MAP6: variants seen among roughly 807,000 people sequenced by gnomAD.
MAP6 encodes microtubule associated protein 6, also known as microtubule-associated protein 6.
In MAP6, 26 loss-of-function variants were observed where a neutral mutation model predicts 42.4. The ratio of observed to expected loss-of-function variants is 0.61; its 90% CI spans 0.45 to 0.85. The LOEUF (loss-of-function observed/expected upper bound fraction) is 0.85. Among genes scored for constraint, MAP6 ranks in the 40% least tolerant of loss-of-function variants. MAP6 has a pLI of 0.00. For synonymous variants in MAP6, 418 were observed against 443.8 expected (o/e 0.94, Z 0.73); for missense variants, 966 against 1,099.0 (o/e 0.88, Z 1.71).
At chr11:75,614,545 C>T (rs554930100) in intron 1 of MAP6, among the ~76,000 whole-genome samples, 1 of 152,288 alleles carries the variant, frequency 6.6e-6, no homozygotes, top group East Asian at 1.9e-4. Context: ...TCAAGTAGCC[C>T]TTGTGGAGAG....
At chr11:75,597,492 C>T (rs934278536) in intron 3 of MAP6, among the ~76,000 whole-genome samples, 3 of 152,216 alleles carry the variant, frequency 2.0e-5, no homozygotes, top group African/African-American at 7.2e-5. Context: ...GTCAAAGGCA[C>T]AGCAGATTGT....
chr11:75,633,010 CT>C (rs57493803), intron 1 of MAP6, among the ~76,000 whole-genome samples: 11,397 of 137,640 alleles, frequency 0.083, 592 homozygotes, highest in African/African-American at 0.16. Context: ...TTTCTTTTTT[CT>C]TTTTTTTTTT....
At chr11:75,652,553 C>G (rs1023697208) in intron 1 of MAP6, among the ~76,000 whole-genome samples, 2 of 152,142 alleles carry the variant, frequency 1.3e-5, no homozygotes, top group Non-Finnish European at 2.9e-5. Context: ...CATGTGACAT[C>G]TGGGCCATGC....
chr11:75,650,187 C>A (rs1409988323), intron 1 of MAP6, among the ~76,000 whole-genome samples: 2 of 152,172 alleles, frequency 1.3e-5, no homozygotes, highest in Non-Finnish European at 2.9e-5. Context: ...CTGGGAAGGA[C>A]TCCCCAAAAA....
At chr11:75,655,001 T>G (rs1943718867) in intron 1 of MAP6, among the ~76,000 whole-genome samples, 1 of 152,082 alleles carries the variant, frequency 6.6e-6, no homozygotes, top group Non-Finnish European at 1.5e-5. Context: ...GAACTCTGGC[T>G]CCCAATTTTT....
chr11:75,634,750 C>G (rs61895131), intron 1 of MAP6, among the ~76,000 whole-genome samples: 7,706 of 152,168 alleles, frequency 0.051, 248 homozygotes, highest in East Asian at 0.14. Flanking sequence ...AAACCATGCA[C>G]GGGTTAAGAG....
rs776091607 is a variant in MAP6 at position 75,587,167 on chromosome 11, A to G, written c.2334T>C (p.Pro778=). ...AKDQGPAVPE[P]LKTQGPRDPQ... is the part of the protein sequence containing the mutation. ...GGTCCCTGGGACCTTGAGTCTTCAG[A>G]GGTTCAGGGACTGCAGGACCTTGGT... The change falls in exon 4 of 4, where the codon CCT becomes CCC. Residue 778 remains proline, a synonymous_variant. Coordinates refer to ENST00000304771, the MANE Select transcript of MAP6 (RefSeq NM_033063.2). 6.2e-7 allele frequency: 1 copy of G among 1,614,018 alleles called. No individual in the cohort carries two copies. Among genetic ancestry groups the G allele is most frequent in the Non-Finnish European group, 8.5e-7 (1 of 1,179,992 alleles).
intron 1 of MAP6, among the ~76,000 whole-genome samples, chr11:75,653,345 T>C (rs1590806053): frequency 6.6e-6 from 1 of 152,152 alleles, no homozygotes; most frequent in Admixed American, 6.5e-5. Flanking sequence ...TTGGGGCCCC[T>C]GGGCTTTTTG....
rs566127517 is a variant in MAP6, at chr11:75,668,597, C to A, written c.-228G>T. On this transcript the variant is annotated 5_prime_UTR_variant, in exon 1 of 4. Transcript: ENST00000304771. The stretch of plus-strand genomic sequence containing the variant: ...TACCGGTCGCAAACGCCTTTGGGAG[C>A]GCAGTCTGCTGCGAGCGCCGAAGGG... 1.9e-4 allele frequency: 80 copies of A among 427,848 alleles called. No homozygotes were observed. Among genetic ancestry groups the A allele is most frequent in the African/African-American group, 1.6e-3 (79 of 48,688 alleles). 26.5% of individuals were successfully genotyped at this position (427,848 alleles called of 1,614,324 possible).
chr11:75,668,554 TCTG>T lies in MAP6; in HGVS notation c.-188_-186del, dbSNP rs1415949314. The T allele has an allele frequency of 1.4e-6, 1 of 730,080 alleles. No homozygotes were observed. Among genetic ancestry groups the T allele is most frequent in the Non-Finnish European group, 1.9e-6 (1 of 530,262 alleles). The allele number at this position is 730,080 out of a possible 1,614,324, so 45.2% of individuals were successfully genotyped here. A position where few individuals can be genotyped will look rare whatever the true frequency, so the allele number is the denominator to read the frequency against. Reference sequence around the variant, plus strand: ...CCCGGGGAGAGCTGTCCTAGGAGAGTCTGTAGAGTCCCTCGATTACCGGTCGCA... The same window carrying T: ...CCCGGGGAGAGCTGTCCTAGGAGAGTTAGAGTCCCTCGATTACCGGTCGCA... On this transcript the variant is annotated 5_prime_UTR_variant, in exon 1 of 4. Coordinates refer to ENST00000304771, the MANE Select transcript of MAP6 (RefSeq NM_033063.2).
At chr11:75,601,372 A>G (rs1466230503) in intron 3 of MAP6, among the ~76,000 whole-genome samples, 1 of 152,066 alleles carries the variant, frequency 6.6e-6, no homozygotes, top group African/African-American at 2.4e-5. Flanking sequence ...GCTTAATAAT[A>G]TGCTTTTATG....
At chr11:75,627,207 G>A (rs981012462) in intron 1 of MAP6, among the ~76,000 whole-genome samples, 3 of 152,250 alleles carry the variant, frequency 2.0e-5, no homozygotes, top group Non-Finnish European at 4.4e-5. Context: ...TCCCAACAAT[G>A]GGATTAGCCC....
chr11:75,647,612 G>A (rs145998247), intron 1 of MAP6, among the ~76,000 whole-genome samples: 15 of 152,062 alleles, frequency 9.9e-5, no homozygotes, highest in Middle Eastern at 3.4e-3. Context: ...TCTAGAAAAC[G>A]TATAGGAAAA....
At chr11:75,622,275 C>G (rs563816584) in intron 1 of MAP6, among the ~76,000 whole-genome samples, 1 of 152,080 alleles carries the variant, frequency 6.6e-6, no homozygotes, top group Non-Finnish European at 1.5e-5. Flanking sequence ...GACAAGGTCT[C>G]ACTCTGTCAG....
intron 3 of MAP6, chr11:75,605,426 A>G: frequency 9.9e-7 from 1 of 1,005,120 alleles, no homozygotes; most frequent in Non-Finnish European, 1.2e-6. Context: ...AAAATCGACC[A>G]GTGACACAGA....
chr11:75,609,052 C>T (rs1942836699), intron 1 of MAP6, among the ~76,000 whole-genome samples: 1 of 152,156 alleles, frequency 6.6e-6, no homozygotes, highest in South Asian at 2.1e-4. Flanking sequence ...GTGTAAATGG[C>T]TATTGGTCCT....
intron 1 of MAP6, among the ~76,000 whole-genome samples, chr11:75,616,426 T>C (rs1942994702): frequency 6.6e-6 from 1 of 152,234 alleles, no homozygotes; most frequent in Non-Finnish European, 1.5e-5. Context: ...TATGTTGCCA[T>C]GGAAACATGT....
intron 1 of MAP6, among the ~76,000 whole-genome samples, chr11:75,646,985 CTT>C (rs34840251): frequency 1.4e-5 from 2 of 146,434 alleles, no homozygotes; most frequent in Non-Finnish European, 1.5e-5. Flanking sequence ...TAATTTGAAA[CTT>C]TTTTTTTTTT....
chr11:75,637,613 C>T (rs189560971), intron 1 of MAP6, among the ~76,000 whole-genome samples: 4 of 152,168 alleles, frequency 2.6e-5, no homozygotes, highest in Admixed American at 2.6e-4. Flanking sequence ...ACTCTGAACC[C>T]CACCGTGGAT....
Sources: allele counts gnomAD v4.1 joint callset (sites outside exome capture counted in the v4.1 genomes callset), GRCh38; gene constraint gnomAD v4.1.1; transcripts MANE v1.5; gene names NCBI Gene and HGNC (gene_info 2026-07-23, HGNC 2026-07-21).